PIK3C2G: variants seen among roughly 807,000 people sequenced by gnomAD.
PIK3C2G encodes phosphatidylinositol 3-kinase C2 domain-containing subunit gamma.
Under a neutral mutation model 181.1 loss-of-function variants are expected in PIK3C2G, and 168 were observed. The observed-to-expected ratio is 0.93, with a 90% CI of 0.82 to 1.05. PIK3C2G has a LOEUF of 1.05. Among genes scored for constraint, PIK3C2G ranks in the 50% least tolerant of loss-of-function variants. The pLI is 0.00. For missense variants in PIK3C2G, 1,869 were observed against 1,732.8 expected (o/e 1.08, Z -1.40); for synonymous variants, 573 against 592.2 (o/e 0.97, Z 0.47).
At chr12:18,262,360 AATT>A (rs1332071853) in intron 1 of PIK3C2G, among the ~76,000 whole-genome samples, 3 of 152,146 alleles carry the variant, frequency 2.0e-5, no homozygotes, top group Admixed American at 1.3e-4. Flanking sequence ...TAGCTAATGT[AATT>A]ATTGCATCTT....
At chr12:18,650,381 GTGTC>G (rs1218589164), downstream of PIK3C2G, among the ~76,000 whole-genome samples, 3 of 136,164 alleles carry the variant, frequency 2.2e-5, no homozygotes, top group Non-Finnish European at 4.6e-5. Context: ...GTGTGTCTGT[GTGTC>G]TGTGTATACA....
chr12:18,316,654 C>G (rs909476346), intron 6 of PIK3C2G, among the ~76,000 whole-genome samples: 1 of 152,000 alleles, frequency 6.6e-6, no homozygotes, highest in African/African-American at 2.4e-5. Flanking sequence ...TACTTGAACC[C>G]GAGAGGCAGC....
chr12:18,720,802 A>G, the PIK3C2G span, among the ~76,000 whole-genome samples: 2 of 152,064 alleles, frequency 1.3e-5, no homozygotes, highest in African/African-American at 4.8e-5. Context: ...TAAAAGCAAG[A>G]TAAGTGCAGG....
chr12:18,311,957 G>A (rs1950655305), intron 5 of PIK3C2G, among the ~76,000 whole-genome samples: 2 of 152,134 alleles, frequency 1.3e-5, no homozygotes, highest in African/African-American at 4.8e-5. Flanking sequence ...GAAGAACTTG[G>A]AATCTGATGT....
chr12:18,550,537 G>C (rs1944673332), intron 26 of PIK3C2G, among the ~76,000 whole-genome samples: 1 of 151,844 alleles, frequency 6.6e-6, no homozygotes, highest in Admixed American at 6.6e-5. Context: ...AAAAAAAAAT[G>C]GTTTGTCATA....
At chr12:18,654,289 G>C in the PIK3C2G span, among the ~76,000 whole-genome samples, 1 of 64,632 alleles carries the variant, frequency 1.5e-5, no homozygotes, top group Non-Finnish European at 2.8e-5. Context: ...AGAAACACTA[G>C]TACCTAAAAA....
chr12:18,654,568 A>C, the PIK3C2G span, among the ~76,000 whole-genome samples: 30 of 152,186 alleles, frequency 2.0e-4, no homozygotes, highest in African/African-American at 7.0e-4. Flanking sequence ...AATGAGCAAA[A>C]TTATTGCCAC....
chr12:18,631,013 A>G (rs550975130), intron 31 of PIK3C2G, among the ~76,000 whole-genome samples: 1 of 152,254 alleles, frequency 6.6e-6, no homozygotes, highest in East Asian at 1.9e-4. Context: ...AGTGTAAGAC[A>G]TTTAGACAAG....
chr12:18,647,467 A>G (rs564243243), intron 32 of PIK3C2G, among the ~76,000 whole-genome samples: 16 of 151,166 alleles, frequency 1.1e-4, no homozygotes, highest in Admixed American at 3.3e-4. Flanking sequence ...AAAAAAAAAA[A>G]TAGTCTGCTT....
intron 18 of PIK3C2G, among the ~76,000 whole-genome samples, chr12:18,461,233 C>T (rs1947905231): frequency 6.6e-6 from 1 of 152,126 alleles, no homozygotes; most frequent in African/African-American, 2.4e-5. Context: ...ATTTTTGCAA[C>T]TTACCAGTAC....
At chr12:18,530,682 T>C (rs777080462) in intron 24 of PIK3C2G, among the ~76,000 whole-genome samples, 4 of 152,138 alleles carry the variant, frequency 2.6e-5, no homozygotes, top group Admixed American at 6.6e-5. Context: ...GGTGATTAGA[T>C]CATGGGGGTG....
chr12:18,505,347 T>C lies in PIK3C2G; in HGVS notation c.3209T>C (p.Leu1070Pro). The C allele has an allele frequency of 6.2e-7, 1 of 1,613,068 alleles. No homozygotes were observed. The highest frequency in any genetic ancestry group is 1.1e-5 in the South Asian group (1 of 90,824). ...CAGWCVVTFI[L>P]GVCDRHNDNI... ...GGCTGGTGTGTGGTAACATTCATCC[T>C]GGGAGTATGTGACCGTCACAATGAT... The change falls in exon 24 of 33, where the codon CTG becomes CCG. Residue 1070 changes from leucine (L) to proline (P), a missense_variant. Coordinates refer to ENST00000538779, the MANE Select transcript of PIK3C2G (RefSeq NM_001288772.2).
chr12:18,639,335 G>T (rs1185594402), intron 31 of PIK3C2G, among the ~76,000 whole-genome samples: 1 of 152,056 alleles, frequency 6.6e-6, no homozygotes, highest in Non-Finnish European at 1.5e-5. Context: ...TAATGGAGCT[G>T]GGTGTGGGGG....
chr12:18,671,050 G>A, the PIK3C2G span, among the ~76,000 whole-genome samples: 2 of 151,924 alleles, frequency 1.3e-5, no homozygotes, highest in East Asian at 1.9e-4. Context: ...GGTGGTGTGC[G>A]CCTGTAATCC....
At chr12:18,260,950 C>G (rs1948216348), upstream of PIK3C2G, among the ~76,000 whole-genome samples, 4 of 151,960 alleles carry the variant, frequency 2.6e-5, no homozygotes, top group South Asian at 8.3e-4. Context: ...TTTGCTGTTC[C>G]TTTTCAGATG....
chr12:18,438,618 G>T (rs1432679469), intron 18 of PIK3C2G, among the ~76,000 whole-genome samples: 1 of 151,704 alleles, frequency 6.6e-6, no homozygotes, highest in Admixed American at 6.6e-5. Context: ...GAGCTATAAA[G>T]AAGAAGAGCC....
At position 18,331,004 on chromosome 12, in the gene PIK3C2G, T is replaced by C. The variant is rs557327579; in HGVS notation, c.1272+5906T>C. ...GAAGTTTGCATACTATATTTTTCAA[T>C]ACTATTTTTAGTTTTAGCTGTTCTT... On this transcript the variant is annotated intron_variant, in intron 8 of 32. Coordinates refer to ENST00000538779, the MANE Select transcript of PIK3C2G (RefSeq NM_001288772.2). Among the ~76,000 whole-genome samples, 17 of 152,322 alleles carry C rather than the reference T, an allele frequency of 1.1e-4. No homozygotes were observed. The South Asian group carries it at 3.5e-3, about 32-fold the overall frequency.
intron 8 of PIK3C2G, among the ~76,000 whole-genome samples, chr12:18,325,395 G>C (rs748310640): frequency 5.3e-5 from 8 of 152,164 alleles, no homozygotes; most frequent in Non-Finnish European, 1.0e-4. Flanking sequence ...CCCAGCCAGA[G>C]ACGGGCATTG....
chr12:18,660,455 C>A, the PIK3C2G span, among the ~76,000 whole-genome samples: 7 of 152,066 alleles, frequency 4.6e-5, no homozygotes, highest in Non-Finnish European at 8.8e-5. Context: ...GCCAGCGCCT[C>A]GGCACCTTTA....
Sources: allele counts gnomAD v4.1 joint callset (sites outside exome capture counted in the v4.1 genomes callset), GRCh38; gene constraint gnomAD v4.1.1; transcripts MANE v1.5; gene names NCBI Gene and HGNC (gene_info 2026-07-23, HGNC 2026-07-21).